DAB2: variants seen among roughly 807,000 people sequenced by gnomAD.
The protein encoded by DAB2 is disabled homolog 2.
Under a neutral mutation model 71.6 loss-of-function variants are expected in DAB2, and 28 were observed. The observed-to-expected ratio is 0.39, with a 90% CI of 0.29 to 0.54. The LOEUF is 0.54. Ranked by LOEUF, DAB2 falls within the 20% of genes least tolerant of loss-of-function variation. The pLI is 0.68. For missense variants in DAB2, 867 were observed against 928.8 expected (o/e 0.93, Z 0.86); for synonymous variants, 345 against 339.7 (o/e 1.02, Z -0.17).
chr5:39,376,961 G>A lies in DAB2; in HGVS notation c.1826C>T (p.Pro609Leu). 1 of 1,614,104 alleles carries A rather than the reference G, an allele frequency of 6.2e-7. No homozygotes were observed. The highest frequency in any genetic ancestry group is 1.1e-5 in the South Asian group (1 of 91,080). Residue 609 changes from proline (P) to leucine (L), a missense_variant, in exon 12 of 15, where the codon CCA (proline) becomes CTA (leucine). By Grantham distance (98) the Pro-to-Leu change is moderately conservative. Around this residue, in one of 2 missense-constraint regions of DAB2, gnomAD observed 740 missense variants for 734.3 expected, o/e 1.01. Coordinates refer to ENST00000320816, the MANE Select transcript of DAB2 (RefSeq NM_001343.4). The stretch of plus-strand genomic sequence containing the variant: ...GACCAGGAGAGAGGAGTGCATGGAT[G>A]GGGGCTGAGTGGACACAGCAGGAGC... ...FPAPAVSTQP[P>L]SMHSSLLVTP... is the part of the protein sequence containing the mutation.
rs140878169 is a variant in DAB2, at chr5:39,401,032, G to A, written c.-101-6611C>T. Among the ~76,000 whole-genome samples, 11 of 152,296 alleles carry A rather than the reference G, an allele frequency of 7.2e-5. No homozygotes were observed. The East Asian group carries it at 1.5e-3, about 21-fold the overall frequency. ...TTTAAGAATAGGGGTCATTACCAGC[G>A]ATGCTGTAGCAAAGTTAGACTGTTT... On this transcript the variant is annotated intron_variant, in intron 1 of 14. Coordinates refer to ENST00000320816, the MANE Select transcript of DAB2 (RefSeq NM_001343.4).
At chr5:39,414,389 T>C (rs550659628) in intron 1 of DAB2, among the ~76,000 whole-genome samples, 4 of 152,262 alleles carry the variant, frequency 2.6e-5, no homozygotes, top group African/African-American at 7.2e-5. Context: ...TTCTCAAATT[T>C]TATTAGTAAT....
intron 13 of DAB2, 138 bp from the exon 14 acceptor site, chr5:39,375,222 C>A: frequency 1.6e-6 from 1 of 616,060 alleles, no homozygotes; most frequent in Non-Finnish European, 2.9e-6. Flanking sequence ...ATGGGGCTTA[C>A]AGTGTTTTGT....
intron 1 of DAB2, among the ~76,000 whole-genome samples, chr5:39,419,902 C>T (rs952601153): frequency 2.0e-5 from 3 of 152,188 alleles, no homozygotes; most frequent in African/African-American, 2.4e-5. Context: ...AGTTAAACTG[C>T]ACTGTGTTTA....
Position 39,377,397 on chromosome 5 carries a change from C to T in DAB2, c.1505-115G>A, listed in dbSNP as rs1405046953. 4 of 1,060,148 alleles carry T rather than the reference C, an allele frequency of 3.8e-6. No homozygotes were observed. In the East Asian group the frequency reaches 9.5e-5, roughly 25 times the overall value. The allele number at this position is 1,060,148 out of a possible 1,614,324, so 65.7% of individuals were successfully genotyped here. ...TCCACAGCTAACACCTCCATTGAGC[C>T]CTGAGGCTGATATGGGAAGAATATG... is the stretch of plus-strand genomic sequence containing the variant. On this transcript the variant is annotated intron_variant, in intron 11 of 14. Coordinates refer to ENST00000320816, the MANE Select transcript of DAB2 (RefSeq NM_001343.4).
chr5:39,382,892 T>G lies in DAB2; in HGVS notation c.1067A>C (p.Lys356Thr). The stretch of plus-strand genomic sequence containing the variant: ...CCATGGGCCTGCCTGAGCTTCCTGT[T>G]TGCCAGTCCGGTTAGAGATCTGGTC... ...QFDQISNRTG[K>T]QEAQAGPWPF... Residue 356 changes from lysine (K) to threonine (T), a missense_variant, in exon 10 of 15, where the codon AAA (lysine) becomes ACA (threonine). Around this residue, in one of 2 missense-constraint regions of DAB2, gnomAD observed 740 missense variants for 734.3 expected, o/e 1.01. Coordinates refer to ENST00000320816, the MANE Select transcript of DAB2 (RefSeq NM_001343.4). The G allele has an allele frequency of 6.2e-7, 1 of 1,614,136 alleles. No individual in the cohort carries two copies. Among genetic ancestry groups the G allele is most frequent in the Non-Finnish European group, 8.5e-7 (1 of 1,180,012 alleles).
chr5:39,405,009 A>C (rs939100331), intron 1 of DAB2, among the ~76,000 whole-genome samples: 2 of 150,032 alleles, frequency 1.3e-5, no homozygotes, highest in Non-Finnish European at 2.9e-5. Context: ...AAGGGCTATT[A>C]GTTTGAACAC....
chr5:39,395,929 C>T (rs941413904), intron 1 of DAB2, among the ~76,000 whole-genome samples: 5 of 85,756 alleles, frequency 5.8e-5, no homozygotes, highest in East Asian at 2.9e-4. Context: ...GGCTAAGACA[C>T]AGATATTCTT....
chr5:39,375,141 C>A, intron 13 of DAB2, 57 bp from the exon 14 acceptor site: 3 of 1,321,738 alleles, frequency 2.3e-6, no homozygotes, highest in South Asian at 1.3e-5. Flanking sequence ...AGAAAAAAAT[C>A]GCAATGAAGA....
chr5:39,396,506 G>A (rs1393113173), intron 1 of DAB2, among the ~76,000 whole-genome samples: 3 of 152,316 alleles, frequency 2.0e-5, no homozygotes, highest in African/African-American at 7.2e-5. Flanking sequence ...ATGGTAATGA[G>A]GGCAGTTGTA....
At chr5:39,388,994 C>A (rs1187335721) in intron 7 of DAB2, 103 bp downstream of exon 7, 1 of 1,331,216 alleles carries the variant, frequency 7.5e-7, no homozygotes, top group Non-Finnish European at 1.1e-6. Flanking sequence ...AAGTCATAAA[C>A]ACATAGTAAT....
intron 1 of DAB2, among the ~76,000 whole-genome samples, chr5:39,396,580 A>T (rs556639212): frequency 6.6e-6 from 1 of 152,126 alleles, no homozygotes; most frequent in Admixed American, 6.5e-5. Flanking sequence ...CTATTTTCTT[A>T]TCTCTCTATC....
chr5:39,403,106 T>C (rs964409831), intron 1 of DAB2, among the ~76,000 whole-genome samples: 2 of 152,226 alleles, frequency 1.3e-5, no homozygotes, highest in African/African-American at 4.8e-5. Flanking sequence ...TGAGGTGCGA[T>C]GGTTTACTTT....
At chr5:39,421,087 C>T (rs527800738) in intron 1 of DAB2, among the ~76,000 whole-genome samples, 33 of 152,080 alleles carry the variant, frequency 2.2e-4, no homozygotes, top group South Asian at 6.2e-4. Flanking sequence ...TTGAGACCAG[C>T]GAGGTCAGCC....
At chr5:39,395,639 A>C (rs945611436) in intron 1 of DAB2, among the ~76,000 whole-genome samples, 54 of 152,304 alleles carry the variant, frequency 3.5e-4, no homozygotes, top group African/African-American at 1.3e-3. Flanking sequence ...ACAGTCTTTA[A>C]ATACATACAT....
At chr5:39,403,612 G>A (rs1023127651) in intron 1 of DAB2, among the ~76,000 whole-genome samples, 5 of 152,188 alleles carry the variant, frequency 3.3e-5, no homozygotes, top group African/African-American at 1.2e-4. Flanking sequence ...TATTGATTTG[G>A]CTGCTTTGCC....
intron 1 of DAB2, among the ~76,000 whole-genome samples, chr5:39,416,406 C>T (rs1429052114): frequency 6.6e-6 from 1 of 152,052 alleles, no homozygotes; most frequent in Non-Finnish European, 1.5e-5. Context: ...TTACTGGCCT[C>T]CTAGCTTTCC....
At chr5:39,402,488 C>T (rs561095176) in intron 1 of DAB2, among the ~76,000 whole-genome samples, 53 of 152,304 alleles carry the variant, frequency 3.5e-4, no homozygotes, top group African/African-American at 1.3e-3. Context: ...GCAATCTCAG[C>T]TCACTAAAAC....
chr5:39,393,542 T>C (rs1423998989), intron 2 of DAB2, 149 bp from the exon 3 acceptor site: 2 of 807,410 alleles, frequency 2.5e-6, no homozygotes, highest in East Asian at 5.4e-5. Context: ...TATTCTTACT[T>C]CCTTTGAGCA....
Sources: allele counts gnomAD v4.1 joint callset (sites outside exome capture counted in the v4.1 genomes callset), GRCh38; gene constraint gnomAD v4.1.1; regional missense constraint gnomAD v4.1.1; transcripts MANE v1.5; gene names NCBI Gene and HGNC (gene_info 2026-07-23, HGNC 2026-07-21).